Variants in HS3ST5 observed in about 807,000 individuals in gnomAD.
The protein encoded by HS3ST5 is heparan sulfate glucosamine 3-O-sulfotransferase 5.
HS3ST5 carries 10 observed loss-of-function variants against 25.4 expected under a neutral mutation model. The ratio of observed to expected loss-of-function variants is 0.39; its 90% CI spans 0.24 to 0.67. The LOEUF (loss-of-function observed/expected upper bound fraction) is 0.67, where lower values mean the gene tolerates loss of function less well. HS3ST5 is among the 30% of genes least tolerant of loss of function. The pLI, the probability that HS3ST5 is intolerant of heterozygous loss-of-function variation, is 0.44. For synonymous variants in HS3ST5, 170 were observed against 162.4 expected (o/e 1.05, Z -0.36); for missense variants, 324 against 420.7 (o/e 0.77, Z 2.01).
intron 1 of HS3ST5, among the ~76,000 whole-genome samples, chr6:114,326,060 C>T (rs1365491432): frequency 6.6e-6 from 1 of 151,374 alleles, no homozygotes; most frequent in Non-Finnish European, 1.5e-5. Context: ...ACTTTCTCAC[C>T]TGACTCCTTG....
chr6:114,082,736 C>T (rs538666192), intron 3 of HS3ST5, among the ~76,000 whole-genome samples: 6 of 152,306 alleles, frequency 3.9e-5, no homozygotes, highest in African/African-American at 1.4e-4. Flanking sequence ...AACTTAACTT[C>T]CTCGGAAAGC....
At chr6:114,180,909 C>T (rs1372999733) in intron 2 of HS3ST5, among the ~76,000 whole-genome samples, 3 of 152,196 alleles carry the variant, frequency 2.0e-5, no homozygotes, top group African/African-American at 7.2e-5. Flanking sequence ...AACAACCAAA[C>T]ACGTTCAGTT....
chr6:114,125,496 G>A (rs937871825), intron 3 of HS3ST5, among the ~76,000 whole-genome samples: 1 of 152,056 alleles, frequency 6.6e-6, no homozygotes, highest in Non-Finnish European at 1.5e-5. Flanking sequence ...TTTTTATGAA[G>A]GTTCTTAAAT....
intron 1 of HS3ST5, among the ~76,000 whole-genome samples, chr6:114,301,999 TG>T (rs1397224253): frequency 1.6e-4 from 25 of 152,234 alleles, no homozygotes; most frequent in Admixed American, 1.6e-3. Flanking sequence ...ACATCATTGT[TG>T]ACTCACAAAG....
Position 114,116,009 on chromosome 6 carries a change from A to G in HS3ST5, c.-33+52342T>C, listed in dbSNP as rs993634040. On this transcript the variant is annotated intron_variant, in intron 3 of 4. Transcript: ENST00000312719. ...TTTTGATACTAAAGCATAAAATAAAACAATTTTTTTTGCTCTATTCTCCAA... is the reference window on the plus strand; with the variant it reads ...TTTTGATACTAAAGCATAAAATAAAGCAATTTTTTTTGCTCTATTCTCCAA... 8 of 152,138 alleles carry G rather than the reference A, an allele frequency of 5.3e-5. No individual in the cohort carries two copies. In the South Asian group the frequency reaches 6.2e-4, roughly 12 times the overall value. The allele number at this position is 152,138 out of a possible 1,614,324, so 9.4% of individuals were successfully genotyped here.
At chr6:114,288,655 C>CAGTGATTATCT (rs6149762) in intron 1 of HS3ST5, among the ~76,000 whole-genome samples, 109,367 of 151,480 alleles carry the variant, frequency 0.72, 39,838 homozygotes, top group African/African-American at 0.79. Flanking sequence ...TTGTGAGGTA[C>CAGTGATTATCT]TTGACCAATC....
At chr6:114,179,214 C>T (rs1156443058) in intron 2 of HS3ST5, 2 of 152,148 alleles carry the variant, frequency 1.3e-5, no homozygotes, top group African/African-American at 4.8e-5. Flanking sequence ...TCTTTAGCAC[C>T]TAAAATCTTG....
intron 3 of HS3ST5, among the ~76,000 whole-genome samples, chr6:114,073,670 A>T (rs1773960963): frequency 6.6e-6 from 1 of 152,208 alleles, no homozygotes; most frequent in Admixed American, 6.5e-5. Context: ...GAGAAATAGG[A>T]ACACTTTTAC....
chr6:114,333,405 T>G (rs184968855), intron 1 of HS3ST5, among the ~76,000 whole-genome samples: 1 of 152,154 alleles, frequency 6.6e-6, no homozygotes, highest in Non-Finnish European at 1.5e-5. Flanking sequence ...TAATGGTGTA[T>G]AAAAATTTTC....
chr6:114,118,933 G>T (rs1411834142), intron 3 of HS3ST5, among the ~76,000 whole-genome samples: 2 of 152,144 alleles, frequency 1.3e-5, no homozygotes, highest in Non-Finnish European at 2.9e-5. Context: ...TCTGGTCCTG[G>T]ACTAAGACCA....
At chr6:114,337,534 A>C (rs570589039) in intron 1 of HS3ST5, among the ~76,000 whole-genome samples, 4 of 152,318 alleles carry the variant, frequency 2.6e-5, no homozygotes, top group African/African-American at 9.6e-5. Context: ...CGGTTCTTAA[A>C]GTTACCTAAT....
At chr6:114,341,239 G>GAGAGAGAGAA (rs1776847829) in intron 1 of HS3ST5, among the ~76,000 whole-genome samples, 1 of 145,996 alleles carries the variant, frequency 6.8e-6, no homozygotes, top group Non-Finnish European at 1.5e-5. Flanking sequence ...GAGAGAGAGA[G>GAGAGAGAGAA]AGAGAGAGAG....
intron 1 of HS3ST5, among the ~76,000 whole-genome samples, chr6:114,309,892 T>G (rs1775457713): frequency 6.6e-6 from 1 of 152,236 alleles, no homozygotes; most frequent in Admixed American, 6.5e-5. Context: ...AAATATTGCC[T>G]GCCAGGGCTC....
At chr6:114,108,362 G>T (rs1027522028) in intron 3 of HS3ST5, among the ~76,000 whole-genome samples, 13 of 152,110 alleles carry the variant, frequency 8.5e-5, no homozygotes, top group Non-Finnish European at 1.9e-4. Context: ...TGCAGCACTG[G>T]TGTAAGTTGC....
intron 3 of HS3ST5, among the ~76,000 whole-genome samples, chr6:114,082,277 T>C (rs1053197917): frequency 6.6e-6 from 1 of 152,252 alleles, no homozygotes; most frequent in African/African-American, 2.4e-5. Context: ...AATATCATCC[T>C]AATGATCAGC....
intron 1 of HS3ST5, among the ~76,000 whole-genome samples, chr6:114,234,837 T>C (rs1771779230): frequency 6.6e-6 from 1 of 152,182 alleles, no homozygotes; most frequent in Non-Finnish European, 1.5e-5. Flanking sequence ...GCACAAACCT[T>C]TTATATTTCT....
intron 1 of HS3ST5, among the ~76,000 whole-genome samples, chr6:114,293,955 T>C (rs939703621): frequency 2.0e-5 from 3 of 152,198 alleles, no homozygotes; most frequent in African/African-American, 7.2e-5. Flanking sequence ...CAAACTGTGG[T>C]ACTTTCTGGA....
chr6:114,102,969 A>G (rs1339973006), intron 3 of HS3ST5, among the ~76,000 whole-genome samples: 1 of 152,066 alleles, frequency 6.6e-6, no homozygotes, highest in Non-Finnish European at 1.5e-5. Context: ...TGAAAAAGAG[A>G]ATTTTCAAAA....
intron 3 of HS3ST5, among the ~76,000 whole-genome samples, chr6:114,140,097 A>T (rs895001804): frequency 1.3e-5 from 2 of 152,238 alleles, no homozygotes; most frequent in African/African-American, 2.4e-5. Flanking sequence ...GAACTACCTG[A>T]GGAAAGAGTG....
Sources: allele counts gnomAD v4.1 joint callset (sites outside exome capture counted in the v4.1 genomes callset), GRCh38; gene constraint gnomAD v4.1.1; transcripts MANE v1.5; gene names NCBI Gene and HGNC (gene_info 2026-07-23, HGNC 2026-07-21).